MYOM2: variants seen among roughly 807,000 people sequenced by gnomAD.
MYOM2 encodes myomesin 2.
MYOM2 carries 254 observed loss-of-function variants against 187.6 expected under a neutral mutation model. The ratio of observed to expected loss-of-function variants is 1.35; its 90% CI spans 1.22 to 1.50. The LOEUF is 1.50. Among genes scored for constraint, MYOM2 ranks in the 40% most tolerant of loss-of-function variants. The pLI, the probability that MYOM2 is intolerant of heterozygous loss-of-function variation, is 0.00. For missense variants in MYOM2, 2,796 were observed against 1,924.0 expected, an observed-to-expected ratio of 1.45 and a Z score of -8.48; for synonymous variants, 981 against 753.8, an observed-to-expected ratio of 1.30 and a Z score of -4.94.
At chr8:2,059,536 A>G (rs1403815647) in intron 6 of MYOM2, among the ~76,000 whole-genome samples, 2 of 152,206 alleles carry the variant, frequency 1.3e-5, no homozygotes, top group Admixed American at 1.3e-4. Flanking sequence ...AGAAGCTTTC[A>G]TTGACACCTC....
At chr8:2,110,122 A>C (rs1797019700) in intron 25 of MYOM2, among the ~76,000 whole-genome samples, 1 of 152,222 alleles carries the variant, frequency 6.6e-6, no homozygotes, top group South Asian at 2.1e-4. Context: ...CAGGAGTTCA[A>C]GACCAGCCTG....
At chr8:2,099,391 G>C (rs542521245) in intron 19 of MYOM2, among the ~76,000 whole-genome samples, 103 of 152,244 alleles carry the variant, frequency 6.8e-4, no homozygotes, top group Middle Eastern at 3.4e-3. Context: ...CCCCAGCTGG[G>C]AGGCGCGACA....
intron 14 of MYOM2, among the ~76,000 whole-genome samples, chr8:2,086,120 T>C (rs780751917): frequency 2.5e-3 from 3 of 1,184 alleles, no homozygotes; most frequent in Admixed American, 9.8e-3. Flanking sequence ...GTGATCTCTT[T>C]GTGGCCCCCC....
intron 18 of MYOM2, among the ~76,000 whole-genome samples, chr8:2,098,528 C>T (rs1176131979): frequency 1.3e-5 from 2 of 152,178 alleles, no homozygotes; most frequent in Non-Finnish European, 2.9e-5. Flanking sequence ...TGAGTTGGCC[C>T]TGGGCAACCG....
At chr8:2,116,983 T>A (rs1006310763) in intron 27 of MYOM2, among the ~76,000 whole-genome samples, 25 of 152,216 alleles carry the variant, frequency 1.6e-4, no homozygotes, top group Non-Finnish European at 3.4e-4. Flanking sequence ...CAGGATGGTC[T>A]CGATCTCCTG....
chr8:2,141,961 C>T (rs1008525146), intron 34 of MYOM2, among the ~76,000 whole-genome samples: 2 of 151,956 alleles, frequency 1.3e-5, no homozygotes, highest in Non-Finnish European at 2.9e-5. Context: ...AGTCCTTGGC[C>T]CATGCTAGCT....
At chr8:2,047,156 C>T (rs1031826864) in intron 1 of MYOM2, among the ~76,000 whole-genome samples, 1 of 152,168 alleles carries the variant, frequency 6.6e-6, no homozygotes, top group African/African-American at 2.4e-5. Flanking sequence ...CTGTAGGGTG[C>T]ATTTGGCAAG....
At position 2,096,514 on chromosome 8, in the gene MYOM2, C is replaced by T. The variant is rs568735675; in HGVS notation, c.2313+80C>T. 1.7e-5 allele frequency: 23 copies of T among 1,364,878 alleles called. No homozygotes were observed. The African/African-American group carries it at 2.2e-4, about 13-fold the overall frequency. The allele number at this position is 1,364,878 out of a possible 1,614,324, so 84.5% of individuals were successfully genotyped here. ...TTGGCAATGTTTCTGCGTTTGATGA[C>T]ATTAGATAGTTTGATACAGACACAA... is the stretch of plus-strand genomic sequence containing the variant. On this transcript the variant is annotated intron_variant, in intron 18 of 36. Transcript: ENST00000262113.
chr8:2,144,606 G>C lies in MYOM2; in HGVS notation c.4081-58G>C. On this transcript the variant is annotated intron_variant, in intron 36 of 36. Transcript: ENST00000262113. ...GACCTGGAGCCCACCGTCCGAGGGG[G>C]TGACATGACTTTCCTTTTTCTAACT... is the stretch of plus-strand genomic sequence containing the variant. 2.6e-6 allele frequency: 4 copies of C among 1,561,720 alleles called. No homozygotes were observed. The Admixed American group carries it at 7.3e-5, about 28-fold the overall frequency.
chr8:2,126,031 ATTATT>A (rs1305784865), intron 31 of MYOM2, among the ~76,000 whole-genome samples: 5 of 152,240 alleles, frequency 3.3e-5, no homozygotes, highest in African/African-American at 1.2e-4. Flanking sequence ...TACTCATGAA[ATTATT>A]TTGTGTTAAA....
rs540190863 is a variant in MYOM2 at position 2,130,206 on chromosome 8, A to G, written c.3800+974A>G. On this transcript the variant is annotated intron_variant, in intron 32 of 36. Coordinates refer to ENST00000262113, the MANE Select transcript of MYOM2 (RefSeq NM_003970.4). ...CCCAGGGCGCCCACACCCCGCCTTT[A>G]GTTAACGCCCGTCAGTACCGTATAC... is the stretch of plus-strand genomic sequence containing the variant. 2.1e-5 allele frequency among the ~76,000 whole-genome samples: 3 copies of G among 141,606 alleles called. 1 individual carries two copies. The highest frequency in any genetic ancestry group is 2.3e-4 in the South Asian group (1 of 4,312). 92.9% of individuals were successfully genotyped at this position (141,606 alleles called of 152,430 possible).
chr8:2,103,259 A>T (rs1796774814), intron 21 of MYOM2, among the ~76,000 whole-genome samples: 1 of 139,164 alleles, frequency 7.2e-6, no homozygotes, highest in African/African-American at 2.7e-5. Context: ...TGAGTGAGAG[A>T]GTGTGCATGT....
At chr8:2,140,667 T>C (rs983896107) in intron 32 of MYOM2, 56 bp from the exon 33 acceptor site, 1 of 1,568,036 alleles carries the variant, frequency 6.4e-7, no homozygotes, top group African/African-American at 1.4e-5. Context: ...CCTGTAGACA[T>C]TGTGCGTGTG....
intron 16 of MYOM2, 31 bp downstream of exon 16, chr8:2,092,551 G>C (rs765402244): frequency 1.1e-5 from 18 of 1,608,616 alleles, no homozygotes; most frequent in Non-Finnish European, 1.4e-5. Flanking sequence ...CCTGGAGTCA[G>C]CCTTGCAGGA....
intron 32 of MYOM2, among the ~76,000 whole-genome samples, chr8:2,134,442 A>G (rs1023214494): frequency 3.3e-5 from 5 of 152,054 alleles, no homozygotes; most frequent in African/African-American, 1.2e-4. Flanking sequence ...TCTTCCTGGG[A>G]ACGTTATTAT....
chr8:2,117,234 TG>T (rs1392497919), intron 27 of MYOM2, among the ~76,000 whole-genome samples: 1 of 152,194 alleles, frequency 6.6e-6, no homozygotes, highest in African/African-American at 2.4e-5. Context: ...GGGCCAACTT[TG>T]TAGGATGTAT....
At chr8:2,104,980 G>C (rs1290805519) in intron 21 of MYOM2, among the ~76,000 whole-genome samples, 3 of 152,182 alleles carry the variant, frequency 2.0e-5, no homozygotes, top group Non-Finnish European at 2.9e-5. Flanking sequence ...ATCTCACTAT[G>C]TTGCCCAGGC....
chr8:2,125,886 G>A (rs1449092009), intron 31 of MYOM2, among the ~76,000 whole-genome samples: 1 of 151,832 alleles, frequency 6.6e-6, no homozygotes, highest in Non-Finnish European at 1.5e-5. Flanking sequence ...TAAGTGCTGG[G>A]ATTACATGCT....
rs763794071 is a variant in MYOM2 at position 2,140,755 on chromosome 8, G to C, written c.3833G>C (p.Arg1278Thr). ...DAKISSSEHM[R>T]IGGSEEMAWL... ...AAGATCTCATCCAGTGAGCATATGA[G>C]AATCGGGGGGAGTGAAGAGATGGCT... The change falls in exon 33 of 37, where the codon AGA becomes ACA. Residue 1278 changes from arginine to threonine, a missense_variant. By Grantham distance (71) the Arg-to-Thr change is moderately conservative. Transcript: ENST00000262113. The C allele has an allele frequency of 6.2e-7, 1 of 1,614,006 alleles. No individual in the cohort carries two copies. The highest frequency in any genetic ancestry group is 1.3e-5 in the African/African-American group (1 of 74,922).
Sources: gnomAD v4.1 joint callset for allele counts (sites outside exome capture counted in the v4.1 genomes callset) on GRCh38, gnomAD v4.1.1 for gene constraint, MANE v1.5 for transcripts, NCBI Gene and HGNC (gene_info 2026-07-23, HGNC 2026-07-21) for gene names.